PGBD2: variants seen among roughly 807,000 people sequenced by gnomAD.
PGBD2 encodes the protein piggyBac transposable element derived 2.
Under a neutral mutation model 8.1 loss-of-function variants are expected in PGBD2, and 6 were observed. The ratio of observed to expected loss-of-function variants is 0.74; its 90% confidence interval spans 0.40 to 1.46. PGBD2 has a LOEUF of 1.46. Ranked by LOEUF, PGBD2 falls within the 40% of genes most tolerant of loss-of-function variation. PGBD2 has a pLI of 0.02. For missense variants in PGBD2, 802 were observed against 739.0 expected, an observed-to-expected ratio of 1.09 and a Z score of -0.99; for synonymous variants, 318 against 272.2, an observed-to-expected ratio of 1.17 and a Z score of -1.66.
the PGBD2 span, among the ~76,000 whole-genome samples, chr1:248,928,387 A>T: frequency 6.6e-6 from 1 of 152,122 alleles, no homozygotes. Context: ...CCCCTCTCCC[A>T]TGCTGTGAAT....
chr1:248,885,422 T>C, the PGBD2 span, among the ~76,000 whole-genome samples: 1 of 151,994 alleles, frequency 6.6e-6, no homozygotes, highest in African/African-American at 2.4e-5. Flanking sequence ...ACTACAGGTG[T>C]GTGACCCCAT....
chr1:248,928,468 C>T, the PGBD2 span, among the ~76,000 whole-genome samples: 2 of 152,144 alleles, frequency 1.3e-5, no homozygotes, highest in East Asian at 1.9e-4. Context: ...TAGCTGTGAC[C>T]CAAATGCTTC....
rs1445886928 is a variant in PGBD2 at position 248,914,655 on chromosome 1, G to GAA, written c.17+777_17+778dup. ...GTTGGGGCCTGCAAAGGGGCACAGG[G>GAA]AAGCTGCAGGGACCTCTGTGCCTAC... On this transcript the variant is annotated intron_variant, in intron 2 of 2. Coordinates refer to ENST00000329291, the MANE Select transcript of PGBD2 (RefSeq NM_170725.3). 7 of 1,224,706 alleles carry GAA rather than the reference G, an allele frequency of 5.7e-6. No homozygotes were observed. The African/African-American group carries it at 6.2e-5, about 11-fold the overall frequency. The allele number at this position is 1,224,706 out of a possible 1,614,324, so 75.9% of individuals were successfully genotyped here.
the PGBD2 span, among the ~76,000 whole-genome samples, chr1:248,882,342 A>G: frequency 1.3e-5 from 2 of 152,236 alleles, no homozygotes; most frequent in Non-Finnish European, 2.9e-5. Context: ...TGTATGCAGA[A>G]GTACAGTATA....
downstream of PGBD2, among the ~76,000 whole-genome samples, chr1:248,924,817 G>A (rs1465652493): frequency 6.6e-6 from 1 of 152,170 alleles, no homozygotes; most frequent in African/African-American, 2.4e-5. Context: ...ACTGGCCCCG[G>A]CACTGGAGGT....
At chr1:248,894,289 G>T in the PGBD2 span, among the ~76,000 whole-genome samples, 3,462 of 150,988 alleles carry the variant, frequency 0.023, 112 homozygotes, top group African/African-American at 0.077. Context: ...TTTTTTTGTG[G>T]TTTTTTTTGC....
At chr1:248,920,779 A>G (rs534934703), downstream of PGBD2, among the ~76,000 whole-genome samples, 2 of 152,204 alleles carry the variant, frequency 1.3e-5, no homozygotes, top group Non-Finnish European at 2.9e-5. Flanking sequence ...AAGCGTCCCT[A>G]TTTCTCCACA....
rs151078940 is a variant in PGBD2, at chr1:248,917,708, G to A, written c.1124G>A (p.Arg375His). The A allele has an allele frequency of 6.8e-5, 110 of 1,614,198 alleles. No individual in the cohort carries two copies. The highest frequency in any genetic ancestry group is 2.3e-4 in the African/African-American group (17 of 75,046). The change falls in exon 3 of 3, where the codon CGT becomes CAT. Residue 375 changes from arginine (R) to histidine (H), a missense_variant. Coordinates refer to ENST00000329291, the MANE Select transcript of PGBD2 (RefSeq NM_170725.3). The stretch of plus-strand genomic sequence containing the variant: ...GGGGTGAAAGCCACAGGAACTGTTC[G>A]TGAGTACAGGACTGAGCGATGTCCC... ...KKGVKATGTV[R>H]EYRTERCPLK...
chr1:248,878,607 A>G, the PGBD2 span, among the ~76,000 whole-genome samples: 1 of 152,142 alleles, frequency 6.6e-6, no homozygotes. Context: ...CGTTTTGTCT[A>G]AGGTTTTAAG....
chr1:248,902,671 A>G (rs1572267018), upstream of PGBD2, among the ~76,000 whole-genome samples: 2 of 152,358 alleles, frequency 1.3e-5, no homozygotes, highest in East Asian at 3.9e-4. Flanking sequence ...TAGCAATAAA[A>G]AGGATTGAGA....
chr1:248,897,863 C>T, the PGBD2 span, among the ~76,000 whole-genome samples: 2 of 152,218 alleles, frequency 1.3e-5, no homozygotes, highest in Non-Finnish European at 2.9e-5. Flanking sequence ...CAGCTGCCAT[C>T]TCTGCAGCTC....
At chr1:248,905,834 TA>T (rs1197066894), upstream of PGBD2, among the ~76,000 whole-genome samples, 1 of 152,166 alleles carries the variant, frequency 6.6e-6, no homozygotes, top group Non-Finnish European at 1.5e-5. Context: ...TCAGGGTTGG[TA>T]AGGCCGATTA....
the PGBD2 span, among the ~76,000 whole-genome samples, chr1:248,880,925 G>C: frequency 6.6e-6 from 1 of 151,992 alleles, no homozygotes; most frequent in Non-Finnish European, 1.5e-5. Context: ...TTGTTCCCTA[G>C]TCATTATTTA....
At chr1:248,913,945 G>T (rs1480623460) in intron 2 of PGBD2, 66 bp downstream of exon 2, 1 of 1,359,554 alleles carries the variant, frequency 7.4e-7, no homozygotes, top group Non-Finnish European at 1.1e-6. Context: ...TGAAAGGCCA[G>T]GTCCATGACA....
At chr1:248,899,005 G>A in the PGBD2 span, among the ~76,000 whole-genome samples, 1 of 152,172 alleles carries the variant, frequency 6.6e-6, no homozygotes, top group Non-Finnish European at 1.5e-5. Flanking sequence ...AAAACACAAA[G>A]AAGGGCATTA....
At chr1:248,892,559 G>T in the PGBD2 span, among the ~76,000 whole-genome samples, 1 of 152,080 alleles carries the variant, frequency 6.6e-6, no homozygotes, top group Non-Finnish European at 1.5e-5. Flanking sequence ...TGTAATCTAA[G>T]AAGCACAACT....
At chr1:248,912,990 C>T (rs553027049) in intron 1 of PGBD2, among the ~76,000 whole-genome samples, 45 of 152,008 alleles carry the variant, frequency 3.0e-4, no homozygotes, top group African/African-American at 9.2e-4. Flanking sequence ...TTAGTAGACA[C>T]GGGGTTTCTC....
At chr1:248,897,705 G>A in the PGBD2 span, among the ~76,000 whole-genome samples, 1 of 152,152 alleles carries the variant, frequency 6.6e-6, no homozygotes, top group Admixed American at 6.6e-5. Flanking sequence ...TAGGAAGGGG[G>A]CTGAAGCCAG....
chr1:248,927,549 T>C, the PGBD2 span, among the ~76,000 whole-genome samples: 1 of 152,228 alleles, frequency 6.6e-6, no homozygotes, highest in Non-Finnish European at 1.5e-5. Flanking sequence ...ATGACTCAGC[T>C]CTTCCATTAT....
Sources: allele counts gnomAD v4.1 joint callset (sites outside exome capture counted in the v4.1 genomes callset), GRCh38; gene constraint gnomAD v4.1.1; transcripts MANE v1.5; gene names NCBI Gene and HGNC (gene_info 2026-07-23, HGNC 2026-07-21).